Variants in SYNE2 observed in about 807,000 individuals in gnomAD.
SYNE2 encodes the protein spectrin repeat containing nuclear envelope protein 2, also known as nesprin-2.
A neutral mutation model predicts 856.3 loss-of-function variants in SYNE2; 431 were observed. The observed-to-expected ratio is 0.50, with a 90% CI of 0.47 to 0.55. SYNE2 has a LOEUF of 0.55. Ranked by LOEUF, SYNE2 falls within the 20% of genes least tolerant of loss-of-function variation. SYNE2 has a pLI of 0.00. For synonymous variants in SYNE2, 2,923 were observed against 2,872.3 expected, an observed-to-expected ratio of 1.02 and a Z score of -0.56; for missense variants, 8,129 against 8,023.2, an observed-to-expected ratio of 1.01 and a Z score of -0.50.
chr14:64,138,294 C>T (rs2098112516), intron 79 of SYNE2, among the ~76,000 whole-genome samples: 1 of 152,098 alleles, frequency 6.6e-6, no homozygotes, highest in Non-Finnish European at 1.5e-5. Context: ...TGCAGCAGCA[C>T]TATCATAGCT....
rs143813994 is a variant in SYNE2 at position 63,995,400 on chromosome 14, A to G, written c.2940+198A>G. 2.4e-3 allele frequency among the ~76,000 whole-genome samples: 371 copies of G among 152,244 alleles called. 2 individuals carry two copies. The highest frequency in any genetic ancestry group is 8.1e-3 in the South Asian group (39 of 4,812). ...CTTTTTAGAAGTGAGAAAATTCGGC[A>G]CTGAGTTAATATTTTATGATTTCCC... On this transcript the variant is annotated intron_variant, in intron 23 of 115. Transcript: ENST00000555002.
intron 2 of SYNE2, among the ~76,000 whole-genome samples, chr14:63,931,048 C>T (rs142472503): frequency 1.3e-4 from 20 of 152,182 alleles, no homozygotes; most frequent in Non-Finnish European, 2.1e-4. Flanking sequence ...TGCACTAACT[C>T]CAGGCAGTCA....
intron 8 of SYNE2, chr14:63,960,720 C>A: frequency 1.3e-6 from 1 of 761,386 alleles, no homozygotes; most frequent in Non-Finnish European, 2.4e-6. Context: ...ATTTTATGAT[C>A]TCCTTCACTT....
At chr14:64,032,553 C>T (rs533367829) in intron 45 of SYNE2, among the ~76,000 whole-genome samples, 1 of 99,700 alleles carries the variant, frequency 1.0e-5, no homozygotes, top group South Asian at 3.3e-4. Context: ...CAGAGTGAGA[C>T]CCTATCTCTA....
intron 100 of SYNE2, among the ~76,000 whole-genome samples, chr14:64,205,899 C>T (rs575467138): frequency 4.6e-5 from 7 of 152,144 alleles, no homozygotes; most frequent in Admixed American, 1.3e-4. Context: ...TAATTAATAG[C>T]CCCTGCCGTG....
intron 26 of SYNE2, among the ~76,000 whole-genome samples, chr14:63,998,711 G>A (rs763145134): frequency 3.3e-5 from 5 of 151,950 alleles, no homozygotes; most frequent in Non-Finnish European, 5.9e-5. Flanking sequence ...ATAGACACCC[G>A]CCACCATGCC....
At chr14:63,939,156 T>C (rs1595753302) in intron 2 of SYNE2, among the ~76,000 whole-genome samples, 1 of 151,950 alleles carries the variant, frequency 6.6e-6, no homozygotes, top group South Asian at 2.1e-4. Flanking sequence ...TGTGGGGAGA[T>C]GGAAGCTCAG....
chr14:64,188,924 G>A, intron 98 of SYNE2: 1 of 706,284 alleles, frequency 1.4e-6, no homozygotes, highest in Non-Finnish European at 2.6e-6. Flanking sequence ...AGTGGGCATG[G>A]TACCGAGGAG....
At chr14:63,901,776 T>A (rs1265019085) in intron 1 of SYNE2, among the ~76,000 whole-genome samples, 1 of 152,104 alleles carries the variant, frequency 6.6e-6, no homozygotes, top group Non-Finnish European at 1.5e-5. Flanking sequence ...ATTTAAAAAT[T>A]AGCCAAGCGT....
intron 32 of SYNE2, among the ~76,000 whole-genome samples, chr14:64,011,725 T>C (rs1431063987): frequency 1.3e-5 from 2 of 152,216 alleles, no homozygotes. Context: ...TGCCCCATGC[T>C]GCGTGTGGCC....
intron 84 of SYNE2, among the ~76,000 whole-genome samples, chr14:64,151,718 A>AT (rs1299269915): frequency 2.6e-5 from 4 of 152,206 alleles, no homozygotes; most frequent in Non-Finnish European, 5.9e-5. Flanking sequence ...CGCGTCCCAA[A>AT]TTTGTGAATT....
chr14:64,099,011 G>GAGTGAGATGAATGTA, intron 63 of SYNE2, 190 bp downstream of exon 63: 1 of 609,798 alleles, frequency 1.6e-6, no homozygotes. Context: ...CACTGTGTAA[G>GAGTGAGATGAATGTA]AGTGAGATGA....
At chr14:64,192,196 G>A (rs1187166890) in intron 99 of SYNE2, among the ~76,000 whole-genome samples, 1 of 152,078 alleles carries the variant, frequency 6.6e-6, no homozygotes, top group Admixed American at 6.6e-5. Context: ...TCAGATGTTT[G>A]TTGAAATGAG....
At chr14:64,208,730 G>C (rs750285647) in intron 100 of SYNE2, 28 bp from the exon 101 acceptor site, 1 of 1,613,870 alleles carries the variant, frequency 6.2e-7, no homozygotes, top group South Asian at 1.1e-5. Context: ...AACATCTCAA[G>C]AGGTTTCTTA....
At chr14:63,951,641 T>G (rs910050547) in intron 7 of SYNE2, among the ~76,000 whole-genome samples, 2 of 152,326 alleles carry the variant, frequency 1.3e-5, no homozygotes, top group Non-Finnish European at 2.9e-5. Flanking sequence ...GTTCTCTATA[T>G]TTTATGAGAG....
chr14:63,769,198 T>C (rs1283317178), intron 1 of SYNE2, among the ~76,000 whole-genome samples: 1 of 152,238 alleles, frequency 6.6e-6, no homozygotes, highest in Admixed American at 6.5e-5. Flanking sequence ...ACTTTCAGAA[T>C]TGGTTCCAGC....
At position 63,993,839 on chromosome 14, in the gene SYNE2, C is replaced by A; in HGVS notation, c.2651C>A (p.Ala884Glu). 1 of 1,595,016 alleles carries A rather than the reference C, an allele frequency of 6.3e-7. No homozygotes were observed. The highest frequency in any genetic ancestry group is 8.5e-7 in the Non-Finnish European group (1 of 1,171,560). Residue 884 changes from alanine (A) to glutamate (E), a missense_variant, in exon 22 of 116, where the codon GCA becomes GAA. Transcript: ENST00000555002. ...PGELISKHKE[A>E]LIISNTKSLA... is the part of the protein sequence containing the mutation. Reference sequence around the variant, plus strand: ...TGCAATTTTTTTTTTTTTTAGGAAGCACTAATAATTTCTAATACAAAAAGT... The same window carrying A: ...TGCAATTTTTTTTTTTTTTAGGAAGAACTAATAATTTCTAATACAAAAAGT...
At chr14:63,788,244 C>A (rs1378143723) in intron 1 of SYNE2, among the ~76,000 whole-genome samples, 2 of 152,154 alleles carry the variant, frequency 1.3e-5, no homozygotes, top group East Asian at 3.9e-4. Context: ...GATGAGGAAG[C>A]CTTCCAGGGT....
At chr14:63,807,591 T>C (rs1419282473) in intron 1 of SYNE2, among the ~76,000 whole-genome samples, 3 of 151,520 alleles carry the variant, frequency 2.0e-5, no homozygotes, top group African/African-American at 7.2e-5. Context: ...AAATTGGTTT[T>C]TTCTCTCTGC....
Sources: allele counts gnomAD v4.1 joint callset (sites outside exome capture counted in the v4.1 genomes callset), GRCh38; gene constraint gnomAD v4.1.1; transcripts MANE v1.5; gene names NCBI Gene and HGNC (gene_info 2026-07-23, HGNC 2026-07-21).